CNTNAP2: variants seen among roughly 807,000 people sequenced by gnomAD.
CNTNAP2 encodes contactin associated protein 2, also known as contactin-associated protein-like 2.
A neutral mutation model predicts 155.2 loss-of-function variants in CNTNAP2; 98 were observed. The ratio of observed to expected loss-of-function variants is 0.63; its 90% CI spans 0.54 to 0.75. CNTNAP2 has a LOEUF of 0.75. Ranked by LOEUF, CNTNAP2 falls within the 30% of genes least tolerant of loss-of-function variation. The pLI is 0.00. For synonymous variants in CNTNAP2, 651 were observed against 631.2 expected, an observed-to-expected ratio of 1.03 and a Z score of -0.47; for missense variants, 1,727 against 1,688.1, an observed-to-expected ratio of 1.02 and a Z score of -0.40.
At chr7:147,586,349 AAGG>A (rs79448720) in intron 12 of CNTNAP2, among the ~76,000 whole-genome samples, 26,303 of 104,876 alleles carry the variant, frequency 0.25, 2,587 homozygotes, top group East Asian at 0.34. Context: ...TTTCAAAAGA[AAGG>A]AGGGTATAAG....
chr7:147,917,887 C>T (rs1466362818), intron 14 of CNTNAP2, among the ~76,000 whole-genome samples: 1 of 152,162 alleles, frequency 6.6e-6, no homozygotes, highest in Non-Finnish European at 1.5e-5. Context: ...CTCACTCACA[C>T]TGGGGCCATT....
chr7:147,387,240 A>G (rs1292721076), intron 9 of CNTNAP2, among the ~76,000 whole-genome samples: 1 of 152,142 alleles, frequency 6.6e-6, no homozygotes, highest in African/African-American at 2.4e-5. Context: ...ATCACATGTC[A>G]CACCCTGTTT....
At chr7:148,272,920 G>A (rs1796808099) in intron 21 of CNTNAP2, among the ~76,000 whole-genome samples, 1 of 152,132 alleles carries the variant, frequency 6.6e-6, no homozygotes, top group Admixed American at 6.5e-5. Context: ...TTTGAGAGAC[G>A]AGAGAATCAA....
At chr7:147,315,478 C>CTTT (rs3050776) in intron 9 of CNTNAP2, among the ~76,000 whole-genome samples, 5 of 103,918 alleles carry the variant, frequency 4.8e-5, no homozygotes, top group African/African-American at 7.5e-5. Flanking sequence ...TTATTCTGGA[C>CTTT]TTTTTTTTTT....
At chr7:146,273,621 C>T (rs1485683812) in intron 1 of CNTNAP2, among the ~76,000 whole-genome samples, 1 of 152,080 alleles carries the variant, frequency 6.6e-6, no homozygotes, top group Non-Finnish European at 1.5e-5. Flanking sequence ...CACTGGTAAG[C>T]TAAATTTTTG....
intron 3 of CNTNAP2, among the ~76,000 whole-genome samples, chr7:146,911,549 T>G (rs553249243): frequency 6.6e-6 from 1 of 150,524 alleles, no homozygotes; most frequent in Non-Finnish European, 1.5e-5. Flanking sequence ...AGTAAACTAT[T>G]GCAAGAACAA....
At chr7:147,643,324 G>A (rs1045987787) in intron 13 of CNTNAP2, 11 of 152,134 alleles carry the variant, frequency 7.2e-5, no homozygotes, top group African/African-American at 2.6e-4. Context: ...TCTAAATATC[G>A]TAAAGTGAAT....
intron 13 of CNTNAP2, among the ~76,000 whole-genome samples, chr7:147,848,859 A>G (rs1040169331): frequency 6.6e-6 from 1 of 152,148 alleles, no homozygotes; most frequent in Admixed American, 6.5e-5. Flanking sequence ...AAACCTCTCA[A>G]TGAATAACTG....
At chr7:147,486,285 A>C (rs1798510237) in intron 11 of CNTNAP2, among the ~76,000 whole-genome samples, 1 of 152,222 alleles carries the variant, frequency 6.6e-6, no homozygotes, top group Non-Finnish European at 1.5e-5. Flanking sequence ...CTGTTCCATA[A>C]ACACATAGTT....
At chr7:146,514,370 G>T (rs1797510983) in intron 1 of CNTNAP2, among the ~76,000 whole-genome samples, 1 of 151,822 alleles carries the variant, frequency 6.6e-6, no homozygotes, top group Non-Finnish European at 1.5e-5. Flanking sequence ...TCTTACATTT[G>T]CTCTTTAAAG....
intron 1 of CNTNAP2, among the ~76,000 whole-genome samples, chr7:146,644,073 G>A (rs1399831412): frequency 6.6e-6 from 1 of 152,100 alleles, no homozygotes; most frequent in Non-Finnish European, 1.5e-5. Context: ...TGAAACAATG[G>A]GGTTTTCTAG....
rs1276010746 is a variant in CNTNAP2 at position 147,121,096 on chromosome 7, C to T, written c.872C>T (p.Thr291Ile). The stretch of plus-strand genomic sequence containing the variant: ...CGCCAGGGGCGGAGCATTAACCTCA[C>T]TCTGGACAGGAGCATGCAGCACTTC... ...IERQGRSINL[T>I]LDRSMQHFRT... Residue 291 changes from threonine to isoleucine, a missense_variant, in exon 6 of 24, where the codon ACT (threonine) becomes ATT (isoleucine). By Grantham distance (89) the Thr-to-Ile change is moderately conservative. Transcript: ENST00000361727. 4.3e-6 allele frequency: 7 copies of T among 1,614,090 alleles called. No homozygotes were observed. The highest frequency in any genetic ancestry group is 5.9e-6 in the Non-Finnish European group (7 of 1,180,042).
chr7:148,331,225 G>T (rs1169748172), intron 21 of CNTNAP2, among the ~76,000 whole-genome samples: 1 of 141,216 alleles, frequency 7.1e-6, no homozygotes, highest in African/African-American at 2.7e-5. Flanking sequence ...ATGGATGGAT[G>T]GAGTGGATGG....
intron 5 of CNTNAP2, among the ~76,000 whole-genome samples, chr7:147,116,493 G>A (rs1188961971): frequency 1.3e-5 from 2 of 152,202 alleles, no homozygotes; most frequent in African/African-American, 4.8e-5. Flanking sequence ...GAGAACACAG[G>A]CAGGGGTGGC....
At chr7:146,424,964 A>G (rs28704765) in intron 1 of CNTNAP2, among the ~76,000 whole-genome samples, 1 of 152,174 alleles carries the variant, frequency 6.6e-6, no homozygotes, top group Admixed American at 6.5e-5. Flanking sequence ...TATAATTATC[A>G]GTGGTCCACA....
intron 10 of CNTNAP2, among the ~76,000 whole-genome samples, chr7:147,451,726 C>T (rs1157092625): frequency 6.7e-6 from 1 of 149,166 alleles, no homozygotes; most frequent in African/African-American, 2.5e-5. Flanking sequence ...CTTTGTATTC[C>T]TACAAAGAGG....
chr7:146,573,989 A>G (rs1798482349), intron 1 of CNTNAP2, among the ~76,000 whole-genome samples: 1 of 152,120 alleles, frequency 6.6e-6, no homozygotes, highest in Non-Finnish European at 1.5e-5. Context: ...AATTGTTTGT[A>G]TCTGGAAACT....
At chr7:146,659,488 G>A (rs1242242452) in intron 1 of CNTNAP2, among the ~76,000 whole-genome samples, 1 of 152,152 alleles carries the variant, frequency 6.6e-6, no homozygotes, top group Non-Finnish European at 1.5e-5. Flanking sequence ...TTGGGTGTTT[G>A]AGCAAAAGTT....
intron 3 of CNTNAP2, among the ~76,000 whole-genome samples, chr7:147,011,871 C>G (rs1398723309): frequency 6.6e-6 from 1 of 152,180 alleles, no homozygotes; most frequent in Non-Finnish European, 1.5e-5. Context: ...GGAAGGAACA[C>G]CGCATAGAGA....
Sources: allele counts gnomAD v4.1 joint callset (sites outside exome capture counted in the v4.1 genomes callset), GRCh38; gene constraint gnomAD v4.1.1; transcripts MANE v1.5; gene names NCBI Gene and HGNC (gene_info 2026-07-23, HGNC 2026-07-21).